Variants in PAH observed in about 807,000 individuals in gnomAD.
The protein encoded by PAH is phenylalanine-4-hydroxylase.
Under a neutral mutation model 62.0 loss-of-function variants are expected in PAH, and 64 were observed. The observed-to-expected ratio is 1.03, with a 90% CI of 0.84 to 1.27. The LOEUF (loss-of-function observed/expected upper bound fraction) is 1.27. PAH is among the 50% of genes most tolerant of loss of function. The pLI, the probability that PAH is intolerant of heterozygous loss-of-function variation, is 0.00. For synonymous variants in PAH, 195 were observed against 196.2 expected (o/e 0.99, Z 0.05); for missense variants, 579 against 542.8 (o/e 1.07, Z -0.66).
At chr12:102,864,117 A>G (rs1334309099) in intron 5 of PAH, among the ~76,000 whole-genome samples, 1 of 152,164 alleles carries the variant, frequency 6.6e-6, no homozygotes, top group Non-Finnish European at 1.5e-5. Flanking sequence ...GAAAGCCAAC[A>G]CAACTCCGTT....
intron 2 of PAH, among the ~76,000 whole-genome samples, chr12:102,895,386 C>T (rs1019360547): frequency 2.6e-5 from 4 of 152,042 alleles, no homozygotes; most frequent in Admixed American, 1.3e-4. Context: ...GCTTGTGAGA[C>T]GATGTACTTT....
At chr12:102,945,507 C>A (rs912061892) in intron 1 of PAH, among the ~76,000 whole-genome samples, 1 of 152,146 alleles carries the variant, frequency 6.6e-6, no homozygotes, top group Admixed American at 6.5e-5. Flanking sequence ...GGCACCCAAG[C>A]CACAAGACAG....
chr12:102,871,124 C>CA (rs1167419100), intron 4 of PAH, among the ~76,000 whole-genome samples: 1 of 152,204 alleles, frequency 6.6e-6, no homozygotes, highest in African/African-American at 2.4e-5. Flanking sequence ...CCCTCCACTT[C>CA]ATCCCAAATT....
At chr12:102,866,506 A>G in intron 5 of PAH, 90 bp downstream of exon 5, 1 of 984,060 alleles carries the variant, frequency 1.0e-6, no homozygotes, top group South Asian at 1.3e-5. Context: ...TCATGCTGGT[A>G]TTTTCCATCC....
At chr12:102,895,869 A>AATATATATATATATATATAT (rs1555208128) in intron 2 of PAH, among the ~76,000 whole-genome samples, 24 of 118,688 alleles carry the variant, frequency 2.0e-4, no homozygotes, top group African/African-American at 8.6e-4. Flanking sequence ...AAAAAAAAAA[A>AATATATATATATATATATAT]ATATATATAT....
intron 8 of PAH, among the ~76,000 whole-genome samples, chr12:102,849,754 T>C (rs1279975876): frequency 6.6e-6 from 1 of 152,244 alleles, no homozygotes; most frequent in East Asian, 1.9e-4. Flanking sequence ...CACCATTCTT[T>C]GTGAGCCTAG....
chr12:102,867,971 A>G (rs62637908), intron 4 of PAH, among the ~76,000 whole-genome samples: 13,141 of 41,004 alleles, frequency 0.32, 2,632 homozygotes, highest in African/African-American at 0.43. Context: ...GTATATATAC[A>G]TGTATATATA....
At chr12:102,956,601 C>T (rs1879919578) in intron 1 of PAH, among the ~76,000 whole-genome samples, 1 of 152,186 alleles carries the variant, frequency 6.6e-6, no homozygotes, top group South Asian at 2.1e-4. Context: ...CACCAGTGCC[C>T]TAAGCGCCAT....
rs1879936939 is a variant in PAH at position 102,957,010 on chromosome 12, C to T, written c.-96+1185G>A. ...GAGGACGCCTTGGGACTAGAACCCACGTTTTCACATAGTCCAGCACTTTTT... is the reference window on the plus strand; with the variant it reads ...GAGGACGCCTTGGGACTAGAACCCATGTTTTCACATAGTCCAGCACTTTTT... On this transcript the variant is annotated intron_variant, in intron 1 of 4. Transcript: ENST00000551337. The surrounding 1 kb of genome is among the most constrained non-coding windows in gnomAD (Gnocchi z 4.1). 6.6e-6 allele frequency among the ~76,000 whole-genome samples: 1 copy of T among 152,184 alleles called. No individual in the cohort carries two copies. The highest frequency in any genetic ancestry group is 1.5e-5 in the Non-Finnish European group (1 of 68,032).
At chr12:102,886,452 C>T (rs1877048200) in intron 3 of PAH, among the ~76,000 whole-genome samples, 1 of 152,162 alleles carries the variant, frequency 6.6e-6, no homozygotes, top group Non-Finnish European at 1.5e-5. Flanking sequence ...TTTTAAGATA[C>T]TATGTATCTC....
intron 5 of PAH, 83 bp downstream of exon 5, chr12:102,866,513 A>C: frequency 9.5e-7 from 1 of 1,048,622 alleles, no homozygotes; most frequent in Non-Finnish European, 1.5e-6. Flanking sequence ...GGTATTTTCC[A>C]TCCTCAACTG....
chr12:102,952,311 G>T (rs1212408964), upstream of PAH, among the ~76,000 whole-genome samples: 1 of 151,650 alleles, frequency 6.6e-6, no homozygotes, highest in African/African-American at 2.4e-5. Flanking sequence ...ACCATTTATT[G>T]TAAGTTTTTT....
intron 8 of PAH, among the ~76,000 whole-genome samples, chr12:102,848,704 G>T (rs1390226700): frequency 6.6e-6 from 1 of 151,526 alleles, no homozygotes; most frequent in Non-Finnish European, 1.5e-5. Context: ...CAGGACACTG[G>T]AGAGGCGGAG....
chr12:102,857,238 A>G (rs970539947), intron 5 of PAH, among the ~76,000 whole-genome samples: 15 of 152,244 alleles, frequency 9.9e-5, no homozygotes, highest in African/African-American at 3.6e-4. Context: ...GTGATTGAAG[A>G]TCAAATGAAT....
chr12:102,936,078 G>T (rs1592999664), intron 1 of PAH, among the ~76,000 whole-genome samples: 1 of 151,620 alleles, frequency 6.6e-6, no homozygotes, highest in African/African-American at 2.4e-5. Flanking sequence ...TTGCTTTGTT[G>T]TGTTTCCATT....
Position 102,910,387 on chromosome 12 carries a change from T to TGG in PAH, c.168+2402_168+2403dup, listed in dbSNP as rs377282976. Among the ~76,000 whole-genome samples the TGG allele has an allele frequency of 9.6e-3, 1,441 of 149,456 alleles. 14 individuals are homozygous for TGG. Among genetic ancestry groups the TGG allele is most frequent in the Non-Finnish European group, 0.017 (1,124 of 67,360 alleles). On this transcript the variant is annotated intron_variant, in intron 2 of 12. Coordinates refer to ENST00000553106, the MANE Select transcript of PAH (RefSeq NM_000277.3). ...CTTGAAATTCCTTTTTTTTTTTTTTTGGGGAGGGAGTCTTGCTCTGTCACC... is the reference window on the plus strand; with the variant it reads ...CTTGAAATTCCTTTTTTTTTTTTTTTGGGGGGAGGGAGTCTTGCTCTGTCACC...
At chr12:102,927,610 C>T (rs1341422024) in intron 1 of PAH, among the ~76,000 whole-genome samples, 1 of 151,776 alleles carries the variant, frequency 6.6e-6, no homozygotes, top group Non-Finnish European at 1.5e-5. Flanking sequence ...ATCTTCAGCT[C>T]AGGGAAAATA....
intron 2 of PAH, among the ~76,000 whole-genome samples, chr12:102,897,737 A>G (rs1877574285): frequency 2.0e-5 from 3 of 152,074 alleles, no homozygotes; most frequent in African/African-American, 4.8e-5. Context: ...AATTCCTTGG[A>G]CTCCTCTGGA....
chr12:102,917,284 A>G, upstream of PAH: 1 of 712,368 alleles, frequency 1.4e-6, no homozygotes, highest in Non-Finnish European at 2.5e-6. Context: ...TCCGCACAGT[A>G]ACGCCCCTCG....
Sources: gnomAD v4.1 joint callset for allele counts (sites outside exome capture counted in the v4.1 genomes callset) on GRCh38, gnomAD v4.1.1 for gene constraint, Gnocchi (gnomAD v3.1) non-coding constraint, MANE v1.5 for transcripts, NCBI Gene and HGNC (gene_info 2026-07-23, HGNC 2026-07-21) for gene names.